Variants in ZFYVE1 observed in about 807,000 individuals in gnomAD.
The protein encoded by ZFYVE1 is zinc finger FYVE-type containing 1, also known as zinc finger FYVE domain-containing protein 1.
ZFYVE1 carries 30 observed loss-of-function variants against 74.4 expected under a neutral mutation model. The ratio of observed to expected loss-of-function variants is 0.40; its 90% confidence interval spans 0.30 to 0.55. The LOEUF is 0.55. ZFYVE1 is among the 20% of genes least tolerant of loss of function. The pLI is 0.42. For synonymous variants in ZFYVE1, 335 were observed against 385.1 expected (o/e 0.87, Z 1.52); for missense variants, 703 against 1,011.6 (o/e 0.69, Z 4.14).
At chr14:72,971,238 C>T (rs1893027172) in intron 11 of ZFYVE1, 124 bp from the exon 12 acceptor site, 3 of 1,013,642 alleles carry the variant, frequency 3.0e-6, no homozygotes, top group East Asian at 5.2e-5. Flanking sequence ...GCTGACAGAG[C>T]TTTTTAAAAA....
intron 2 of ZFYVE1, among the ~76,000 whole-genome samples, chr14:73,023,030 A>T (rs1894350239): frequency 6.6e-6 from 1 of 151,442 alleles, no homozygotes; most frequent in Non-Finnish European, 1.5e-5. Flanking sequence ...GCGTGATGGC[A>T]CATGTCTGTA....
Position 72,978,890 on chromosome 14 carries a change from G to A in ZFYVE1, c.1390C>T (p.Gln464Ter). Residue 464 changes from glutamine (Q) to a stop codon, truncating the protein, a stop_gained, in exon 6 of 12, where the codon CAG (glutamine) becomes TAG (stop). Coordinates refer to ENST00000556143, the MANE Select transcript of ZFYVE1 (RefSeq NM_021260.4). LOFTEE classifies it high-confidence loss of function. ...CAGGTATACACTCGGTTGTCATACT[G>A]GTGGGAGTATCTGCAGCGGCTCTTG... ...EAKSRCRYSH[Q>*]YDNRVYTCKA... 1.2e-6 allele frequency: 2 copies of A among 1,614,132 alleles called. No individual in the cohort carries two copies. Among genetic ancestry groups the A allele is most frequent in the Non-Finnish European group, 1.7e-6 (2 of 1,179,970 alleles).
Position 72,974,188 on chromosome 14 carries a change from T to G in ZFYVE1, c.1993A>C (p.Thr665Pro). ...YEARNVQLAVTEAQVDDEGGT... is the reference protein window; with the variant it reads ...YEARNVQLAVPEAQVDDEGGT... ...CCTTCATCGTCCACTTGTGCCTCGGTAACAGCTGTAGACAGTAATAAAGGA... is the reference window on the plus strand; with the variant it reads ...CCTTCATCGTCCACTTGTGCCTCGGGAACAGCTGTAGACAGTAATAAAGGA... Residue 665 changes from threonine to proline, a missense_variant, in exon 11 of 12, where the codon ACC becomes CCC. By Grantham distance (38) the Thr-to-Pro change is conservative. This residue lies in a region of ZFYVE1 where 492 missense variants were observed against 790.0 expected (regional missense o/e 0.62). Transcript: ENST00000556143. 6.2e-7 allele frequency: 1 copy of G among 1,613,964 alleles called. No individual in the cohort carries two copies. The highest frequency in any genetic ancestry group is 8.5e-7 in the Non-Finnish European group (1 of 1,179,880).
chr14:72,989,932 T>C (rs1893569302), intron 4 of ZFYVE1, among the ~76,000 whole-genome samples: 1 of 152,028 alleles, frequency 6.6e-6, no homozygotes, highest in African/African-American at 2.4e-5. Context: ...TCAAGGCTAC[T>C]AATAAAAAAA....
intron 2 of ZFYVE1, among the ~76,000 whole-genome samples, chr14:73,016,326 A>C (rs1428098974): frequency 2.6e-5 from 4 of 152,268 alleles, no homozygotes. Context: ...CCTGGATAAC[A>C]CGGTGAAACC....
chr14:73,022,769 A>G (rs966320844), intron 2 of ZFYVE1, among the ~76,000 whole-genome samples: 2 of 152,140 alleles, frequency 1.3e-5, no homozygotes, highest in African/African-American at 2.4e-5. Flanking sequence ...CCTAGCTGTC[A>G]CAACACTACC....
At chr14:72,985,628 G>A (rs1893456419) in intron 4 of ZFYVE1, among the ~76,000 whole-genome samples, 1 of 151,404 alleles carries the variant, frequency 6.6e-6, no homozygotes, top group South Asian at 2.1e-4. Flanking sequence ...CACCGCACCT[G>A]GCCAAGATGC....
At chr14:73,018,939 CA>C (rs61506461) in intron 2 of ZFYVE1, among the ~76,000 whole-genome samples, 10,671 of 85,556 alleles carry the variant, frequency 0.12, 427 homozygotes, top group Middle Eastern at 0.31. Context: ...GACTCCATCT[CA>C]AAAAAAAAAA....
intron 2 of ZFYVE1, among the ~76,000 whole-genome samples, chr14:73,012,884 G>C (rs1894118142): frequency 1.3e-5 from 2 of 152,180 alleles, no homozygotes; most frequent in African/African-American, 4.8e-5. Flanking sequence ...AGAGATGACA[G>C]TTTAGCTGTG....
At chr14:73,013,952 G>GGGT (rs1208278977) in intron 2 of ZFYVE1, among the ~76,000 whole-genome samples, 2 of 152,120 alleles carry the variant, frequency 1.3e-5, no homozygotes, top group African/African-American at 4.8e-5. Context: ...ATAAACTCAA[G>GGGT]GGTGGTTCAG....
At chr14:72,973,958 A>G in intron 11 of ZFYVE1, 122 bp downstream of exon 11, 1 of 755,896 alleles carries the variant, frequency 1.3e-6, no homozygotes, top group Non-Finnish European at 2.2e-6. Context: ...GCATTGTGTA[A>G]TTGATTCCTT....
At position 72,993,191 on chromosome 14, in the gene ZFYVE1, G is replaced by C; in HGVS notation, c.1155C>G (p.Asn385Lys). 3 of 1,613,664 alleles carry C rather than the reference G, an allele frequency of 1.9e-6. No homozygotes were observed. Among genetic ancestry groups the C allele is most frequent in the Non-Finnish European group, 2.5e-6 (3 of 1,179,826 alleles). The change falls in exon 4 of 12, where the codon AAC (asparagine) becomes AAG (lysine). Residue 385 changes from asparagine to lysine, a missense_variant. Transcript: ENST00000556143. The part of the protein sequence containing the change: ...RRALEQLLEN[N>K]TTRSPRHPGV... Reference sequence around the variant, plus strand: ...CCGGGTGCCGGGGAGAACGGGTGGTGTTATTCTCTAGTAGCTGCTCCAAAG... The same window carrying C: ...CCGGGTGCCGGGGAGAACGGGTGGTCTTATTCTCTAGTAGCTGCTCCAAAG...
chr14:73,027,025 C>G lies in ZFYVE1; in HGVS notation c.-534G>C, dbSNP rs905589524. On this transcript the variant is annotated 5_prime_UTR_variant, in exon 1 of 12. Coordinates refer to ENST00000556143, the MANE Select transcript of ZFYVE1 (RefSeq NM_021260.4). ...AGGACACCGGCAGATCCATCCTCAT[C>G]TCCATCTCCGCCACCCTCCTCCTTC... is the stretch of plus-strand genomic sequence containing the variant. 2.5e-6 allele frequency: 1 copy of G among 399,102 alleles called. No individual in the cohort carries two copies. Among genetic ancestry groups the G allele is most frequent in the African/African-American group, 2.1e-5 (1 of 48,766 alleles). The allele number at this position is 399,102 out of a possible 1,614,324, so 24.7% of individuals were successfully genotyped here.
At chr14:73,014,333 GT>G (rs1456971837) in intron 2 of ZFYVE1, among the ~76,000 whole-genome samples, 1 of 152,152 alleles carries the variant, frequency 6.6e-6, no homozygotes, top group Non-Finnish European at 1.5e-5. Flanking sequence ...ACATAATAGG[GT>G]TTCTTTCATC....
At chr14:73,014,739 A>G (rs1025999024) in intron 2 of ZFYVE1, among the ~76,000 whole-genome samples, 1 of 152,248 alleles carries the variant, frequency 6.6e-6, no homozygotes, top group Non-Finnish European at 1.5e-5. Context: ...TCTACTGACC[A>G]GAATGAAGTC....
In ZFYVE1 at chr14:72,997,937, G is replaced by C. The variant is rs144642506; in HGVS notation, c.862C>G (p.Leu288Val). 1 of 1,614,192 alleles carries C rather than the reference G, an allele frequency of 6.2e-7. No individual in the cohort carries two copies. Among genetic ancestry groups the C allele is most frequent in the Non-Finnish European group, 8.5e-7 (1 of 1,180,022 alleles). The change falls in exon 3 of 12, where the codon CTG (leucine) becomes GTG (valine). Residue 288 changes from leucine (L) to valine (V), a missense_variant. By Grantham distance (32) the Leu-to-Val change is conservative (BLOSUM62 1). This residue lies in a region of ZFYVE1 where 492 missense variants were observed against 790.0 expected (regional missense o/e 0.62). Coordinates refer to ENST00000556143, the MANE Select transcript of ZFYVE1 (RefSeq NM_021260.4). ...KFLGDASEAY[L>V]KHFTKELKAT... is the part of the protein sequence containing the mutation. Reference sequence around the variant, plus strand: ...TTGAGCTCCTTGGTGAAGTGCTTCAGATAAGCTTCTGAGGCATCCCCAAGG... The same window carrying C: ...TTGAGCTCCTTGGTGAAGTGCTTCACATAAGCTTCTGAGGCATCCCCAAGG...
rs1171456908 is a variant in ZFYVE1 at position 73,023,246 on chromosome 14, ATATAT to A, written c.483+775_483+779del. Among the ~76,000 whole-genome samples the A allele has an allele frequency of 9.5e-4, 124 of 130,716 alleles. 5 individuals are homozygous for A. The highest frequency in any genetic ancestry group is 1.7e-3 in the South Asian group (8 of 4,604). 85.8% of individuals were successfully genotyped at this position (130,716 alleles called of 152,430 possible). A position where few individuals can be genotyped will look rare whatever the true frequency, so the allele number is the denominator to read the frequency against. On this transcript the variant is annotated intron_variant, in intron 2 of 11. Transcript: ENST00000556143. ...ATTTTATATGTTTTATATGTAATATATATATTATATGTTTTATATATAATATATAT... is the reference window on the plus strand; with the variant it reads ...ATTTTATATGTTTTATATGTAATATATATATGTTTTATATATAATATATAT...
intron 11 of ZFYVE1, among the ~76,000 whole-genome samples, chr14:72,971,444 C>G (rs536963519): frequency 5.1e-4 from 78 of 152,162 alleles, no homozygotes; most frequent in African/African-American, 1.8e-3. Context: ...TCAAACAATC[C>G]TCCCACCTCA....
chr14:72,988,779 C>T (rs1351286688), intron 4 of ZFYVE1, among the ~76,000 whole-genome samples: 1 of 145,250 alleles, frequency 6.9e-6, no homozygotes, highest in Non-Finnish European at 1.5e-5. Flanking sequence ...TGTACTCCAG[C>T]CTGAGTGACA....
Sources: allele counts gnomAD v4.1 joint callset (sites outside exome capture counted in the v4.1 genomes callset), GRCh38; gene constraint gnomAD v4.1.1; regional missense constraint gnomAD v4.1.1; transcripts MANE v1.5; gene names NCBI Gene and HGNC (gene_info 2026-07-23, HGNC 2026-07-21).